PTCHD4: variants seen among roughly 807,000 people sequenced by gnomAD.
PTCHD4 encodes patched domain containing 4.
PTCHD4 carries 33 observed loss-of-function variants against 58.1 expected under a neutral mutation model. The ratio of observed to expected loss-of-function variants is 0.57; its 90% CI spans 0.43 to 0.76. The LOEUF (loss-of-function observed/expected upper bound fraction) is 0.76. Ranked by LOEUF, PTCHD4 falls within the 30% of genes least tolerant of loss-of-function variation. The pLI is 0.00. For synonymous variants in PTCHD4, 478 were observed against 409.6 expected (o/e 1.17, Z -2.02); for missense variants, 1,058 against 1,027.1 (o/e 1.03, Z -0.41).
chr6:47,901,425 C>G lies in PTCHD4; in HGVS notation c.899-21489G>C, dbSNP rs1024066839. ...ATCTCAAACACGATAATTGTTCCTC[C>G]CTCTCACATATTGCCAGGTAACCTC... On this transcript the variant is annotated intron_variant, in intron 4 of 4. Transcript: ENST00000339488. 15 of 977,206 alleles carry G rather than the reference C, an allele frequency of 1.5e-5. No individual in the cohort carries two copies. The African/African-American group carries it at 2.6e-4, about 17-fold the overall frequency. 60.5% of individuals were successfully genotyped at this position (977,206 alleles called of 1,614,324 possible).
chr6:48,035,292 C>G (rs1460099983), intron 3 of PTCHD4, among the ~76,000 whole-genome samples: 2 of 151,954 alleles, frequency 1.3e-5, no homozygotes, highest in African/African-American at 4.8e-5. Context: ...TGAGTTGGGT[C>G]ACTCTGAATT....
At chr6:48,105,675 A>T (rs1437929347) in intron 1 of PTCHD4, among the ~76,000 whole-genome samples, 1 of 152,186 alleles carries the variant, frequency 6.6e-6, no homozygotes, top group Non-Finnish European at 1.5e-5. Flanking sequence ...GTTTTTTGAG[A>T]AGATCAACAA....
chr6:47,936,655 C>T (rs1408224493), intron 4 of PTCHD4, among the ~76,000 whole-genome samples: 2 of 152,116 alleles, frequency 1.3e-5, no homozygotes, highest in African/African-American at 4.8e-5. Context: ...TTACTTAGTC[C>T]TTGTTCATTT....
At chr6:47,948,908 C>A (rs72867986) in intron 4 of PTCHD4, among the ~76,000 whole-genome samples, 8,855 of 152,232 alleles carry the variant, frequency 0.058, 324 homozygotes, top group Middle Eastern at 0.085. Context: ...ACTTGCAGCT[C>A]ACTTATTCAA....
At chr6:47,921,862 G>A (rs1263050215) in intron 4 of PTCHD4, among the ~76,000 whole-genome samples, 1 of 151,154 alleles carries the variant, frequency 6.6e-6, no homozygotes, top group Non-Finnish European at 1.5e-5. Context: ...TATAATTCCA[G>A]CACTTTGGGA....
chr6:47,911,451 T>G (rs1412479147), intron 4 of PTCHD4, among the ~76,000 whole-genome samples: 1 of 152,148 alleles, frequency 6.6e-6, no homozygotes, highest in Non-Finnish European at 1.5e-5. Flanking sequence ...ACTCCTTTAT[T>G]ACTATTTCTT....
At chr6:48,044,187 T>G (rs541018408) in intron 3 of PTCHD4, among the ~76,000 whole-genome samples, 34 of 151,970 alleles carry the variant, frequency 2.2e-4, no homozygotes, top group African/African-American at 8.2e-4. Context: ...TTTTTTTGCA[T>G]GAAAGAGGAA....
chr6:47,955,327 G>A (rs748257059), intron 4 of PTCHD4, among the ~76,000 whole-genome samples: 1 of 152,176 alleles, frequency 6.6e-6, no homozygotes, highest in Non-Finnish European at 1.5e-5. Context: ...TATTTGGGCA[G>A]ATGAGAAGAA....
intron 4 of PTCHD4, among the ~76,000 whole-genome samples, chr6:47,948,386 A>G (rs1408132230): frequency 6.6e-6 from 1 of 152,184 alleles, no homozygotes; most frequent in African/African-American, 2.4e-5. Flanking sequence ...TTCTTGCTGT[A>G]TTCTGTTGTT....
At position 47,877,091 on chromosome 6, in the gene PTCHD4, G is replaced by C. The variant is rs1763867223; in HGVS notation, c.*1212C>G. Among the ~76,000 whole-genome samples, 1 of 152,012 alleles carries C rather than the reference G, an allele frequency of 6.6e-6. No individual in the cohort carries two copies. The highest frequency in any genetic ancestry group is 6.6e-5 in the Admixed American group (1 of 15,226). Reference sequence around the variant, plus strand: ...AAATACTAATGCAAGGAATACACTAGAGTTTATAGGATTAGAATAGTTTCC... The same window carrying C: ...AAATACTAATGCAAGGAATACACTACAGTTTATAGGATTAGAATAGTTTCC... On this transcript the variant is annotated 3_prime_UTR_variant, in exon 5 of 5. Transcript: ENST00000339488.
intron 1 of PTCHD4, among the ~76,000 whole-genome samples, chr6:48,075,465 A>G (rs1281288183): frequency 2.8e-5 from 4 of 141,086 alleles, no homozygotes; most frequent in Admixed American, 1.4e-4. Flanking sequence ...TGTACTAGTT[A>G]GTTTAATCAC....
At chr6:48,099,435 A>G (rs1256997519) in intron 1 of PTCHD4, among the ~76,000 whole-genome samples, 1 of 152,212 alleles carries the variant, frequency 6.6e-6, no homozygotes, top group Non-Finnish European at 1.5e-5. Context: ...TGGGTACAGG[A>G]TATTAATTCC....
chr6:48,106,152 A>AG (rs1041868067), intron 1 of PTCHD4, among the ~76,000 whole-genome samples: 1 of 152,250 alleles, frequency 6.6e-6, no homozygotes, highest in Non-Finnish European at 1.5e-5. Context: ...CAACAAAAAA[A>AG]GAGAATTTTA....
intron 4 of PTCHD4, among the ~76,000 whole-genome samples, chr6:47,999,852 T>C (rs1389233692): frequency 6.6e-6 from 1 of 152,210 alleles, no homozygotes; most frequent in African/African-American, 2.4e-5. Flanking sequence ...TTTCAACTTA[T>C]CAATTTCTTA....
chr6:48,018,506 A>C (rs963624970), intron 3 of PTCHD4, among the ~76,000 whole-genome samples: 1 of 152,256 alleles, frequency 6.6e-6, no homozygotes, highest in African/African-American at 2.4e-5. Flanking sequence ...AGACCAAGTC[A>C]TGTGTCTGCC....
In PTCHD4 at chr6:47,878,412, G is replaced by A. The variant is rs960667352; in HGVS notation, c.2423C>T (p.Pro808Leu). The A allele has an allele frequency of 1.9e-6, 3 of 1,613,228 alleles. No homozygotes were observed. Among genetic ancestry groups the A allele is most frequent in the African/African-American group, 2.7e-5 (2 of 74,808 alleles). Residue 808 changes from proline (P) to leucine (L), a missense_variant, in exon 5 of 5, where the codon CCC (proline) becomes CTC (leucine). Coordinates refer to ENST00000339488, the MANE Select transcript of PTCHD4 (RefSeq NM_001384253.1). ...TTTCTTGTGGTGCTTTTTGGAAGGG[G>A]GGAAAAACGTTAGGAACACAGGTAA... Reference protein sequence around the residue: ...VILPVFLTFFPPSKKHHKKKK... With the variant: ...VILPVFLTFFLPSKKHHKKKK...
intron 3 of PTCHD4, among the ~76,000 whole-genome samples, chr6:48,032,444 A>ATG (rs544734134): frequency 9.9e-5 from 15 of 151,322 alleles, no homozygotes; most frequent in Admixed American, 2.0e-4. Flanking sequence ...GTGCGTGTGT[A>ATG]TGTGTGTGTG....
At chr6:47,949,012 A>T (rs971233926) in intron 4 of PTCHD4, among the ~76,000 whole-genome samples, 1 of 152,238 alleles carries the variant, frequency 6.6e-6, no homozygotes. Flanking sequence ...AATGCTGTTC[A>T]TGGAGACAAA....
At chr6:47,896,613 C>T (rs1218741046) in intron 4 of PTCHD4, among the ~76,000 whole-genome samples, 4 of 152,100 alleles carry the variant, frequency 2.6e-5, no homozygotes, top group Non-Finnish European at 4.4e-5. Context: ...TTTATAAGCA[C>T]AGTAGTTTTT....
Sources: gnomAD v4.1 joint callset for allele counts (sites outside exome capture counted in the v4.1 genomes callset) on GRCh38, gnomAD v4.1.1 for gene constraint, MANE v1.5 for transcripts, NCBI Gene and HGNC (gene_info 2026-07-23, HGNC 2026-07-21) for gene names.